Variants in KIRREL3 observed in about 807,000 individuals in gnomAD.
KIRREL3 encodes the protein kirre like nephrin family adhesion molecule 3.
In KIRREL3, 36 loss-of-function variants were observed where a neutral mutation model predicts 89.7. The observed-to-expected ratio is 0.40, with a 90% CI of 0.31 to 0.53. The LOEUF is 0.53. KIRREL3 is among the 20% of genes least tolerant of loss of function. KIRREL3 has a pLI of 0.49. For missense variants in KIRREL3, 864 were observed against 1,056.6 expected (o/e 0.82, Z 2.53); for synonymous variants, 445 against 441.4 (o/e 1.01, Z -0.10).
In KIRREL3 at chr11:126,742,987, C is replaced by A. The variant is rs1247994703; in HGVS notation, c.56-180075G>T. 6.6e-6 allele frequency among the ~76,000 whole-genome samples: 1 copy of A among 152,200 alleles called. No homozygotes were observed. The highest frequency in any genetic ancestry group is 2.4e-5 in the African/African-American group (1 of 41,442). On this transcript the variant is annotated intron_variant, in intron 1 of 16. Coordinates refer to ENST00000525144, the MANE Select transcript of KIRREL3 (RefSeq NM_032531.4). This position sits in a 1 kb window ranked among gnomAD's most constrained non-coding sequence, Gnocchi z 5.3. ...AGCTGCCCAGGGGCTGTCCCCTGCT[C>A]AGCTTATCTGAGATGAGGCCATCAG... is the stretch of plus-strand genomic sequence containing the variant.
intron 1 of KIRREL3, among the ~76,000 whole-genome samples, chr11:126,857,123 G>C (rs1944544256): frequency 6.6e-6 from 1 of 152,160 alleles, no homozygotes; most frequent in South Asian, 2.1e-4. Context: ...TAGACATATT[G>C]CCTCCTCCAT....
chr11:126,985,846 A>T lies in KIRREL3; in HGVS notation c.55+14609T>A, dbSNP rs1050514129. On this transcript the variant is annotated intron_variant, in intron 1 of 16. Coordinates refer to ENST00000525144, the MANE Select transcript of KIRREL3 (RefSeq NM_032531.4). This position sits in a 1 kb window ranked among gnomAD's most constrained non-coding sequence, Gnocchi z 5.3. ...AGTTCAATGATGAAAGGAAACTTCAAAACCTTGAGTATAAGGCATGTGCCT... is the reference window on the plus strand; with the variant it reads ...AGTTCAATGATGAAAGGAAACTTCATAACCTTGAGTATAAGGCATGTGCCT... Among the ~76,000 whole-genome samples the T allele has an allele frequency of 5.3e-5, 8 of 152,214 alleles. No individual in the cohort carries two copies. The highest frequency in any genetic ancestry group is 1.9e-4 in the African/African-American group (8 of 41,454).
intron 1 of KIRREL3, among the ~76,000 whole-genome samples, chr11:126,832,112 C>T (rs1943627752): frequency 6.6e-6 from 1 of 152,074 alleles, no homozygotes; most frequent in Admixed American, 6.5e-5. Context: ...GAAAATGAGC[C>T]ACATGTCCCA....
Position 126,571,958 on chromosome 11 carries a change from G to A in KIRREL3, c.56-9046C>T, listed in dbSNP as rs1366329483. Among the ~76,000 whole-genome samples, 1 of 152,178 alleles carries A rather than the reference G, an allele frequency of 6.6e-6. No homozygotes were observed. The highest frequency in any genetic ancestry group is 1.5e-5 in the Non-Finnish European group (1 of 68,016). On this transcript the variant is annotated intron_variant, in intron 1 of 16. Transcript: ENST00000525144. The surrounding 1 kb of genome is among the most constrained non-coding windows in gnomAD (Gnocchi z 7.7). ...AGTCTGTCTTCCACACACCCTGTGA[G>A]GAACAGGGGCTGCCAAAAGCCATAT...
At position 126,828,621 on chromosome 11, in the gene KIRREL3, C is replaced by T. The variant is rs552507832; in HGVS notation, c.55+171834G>A. On this transcript the variant is annotated intron_variant, in intron 1 of 16. Transcript: ENST00000525144. ...GGTACAGATCTGCCCTCACTGGACC[C>T]GAGAATGGTGCTTCCTTAGGTCTGC... 4.6e-5 allele frequency among the ~76,000 whole-genome samples: 7 copies of T among 152,200 alleles called. No homozygotes were observed. In the South Asian group the frequency reaches 6.2e-4, roughly 14 times the overall value.
intron 1 of KIRREL3, among the ~76,000 whole-genome samples, chr11:126,934,152 C>T (rs762832933): frequency 7.9e-5 from 12 of 151,934 alleles, no homozygotes; most frequent in Non-Finnish European, 1.8e-4. Flanking sequence ...AATTGAGAGC[C>T]CAGAATTAAG....
intron 1 of KIRREL3, among the ~76,000 whole-genome samples, chr11:126,998,165 T>G (rs1319227851): frequency 3.3e-5 from 5 of 152,180 alleles, no homozygotes; most frequent in African/African-American, 1.2e-4. Context: ...GAGCTAAGCA[T>G]ATATGTGAGG....
At chr11:126,616,836 C>T (rs1943373205) in intron 1 of KIRREL3, among the ~76,000 whole-genome samples, 1 of 152,144 alleles carries the variant, frequency 6.6e-6, no homozygotes, top group Non-Finnish European at 1.5e-5. Context: ...GAGGCAGGGT[C>T]TCACTATTTT....
rs1405048924 is a variant in KIRREL3, at chr11:126,811,215, T to A, written c.55+189240A>T. On this transcript the variant is annotated intron_variant, in intron 1 of 16. Coordinates refer to ENST00000525144, the MANE Select transcript of KIRREL3 (RefSeq NM_032531.4). The surrounding 1 kb of genome is among the most constrained non-coding windows in gnomAD (Gnocchi z 4.3). ...CAGTTCACAATTCTGTCTTTCCTCC[T>A]GCTGAGAATTCTTCTGTTTTCCAGG... Among the ~76,000 whole-genome samples, 1 of 152,242 alleles carries A rather than the reference T, an allele frequency of 6.6e-6. No individual in the cohort carries two copies. Among genetic ancestry groups the A allele is most frequent in the African/African-American group, 2.4e-5 (1 of 41,460 alleles).
rs754558499 is a variant in KIRREL3, at chr11:126,640,210, C to A, written c.56-77298G>T. 2.0e-5 allele frequency among the ~76,000 whole-genome samples: 3 copies of A among 152,108 alleles called. No individual in the cohort carries two copies. Among genetic ancestry groups the A allele is most frequent in the Non-Finnish European group, 4.4e-5 (3 of 68,014 alleles). On this transcript the variant is annotated intron_variant, in intron 1 of 16. Coordinates refer to ENST00000525144, the MANE Select transcript of KIRREL3 (RefSeq NM_032531.4). This position sits in a 1 kb window ranked among gnomAD's most constrained non-coding sequence, Gnocchi z 4.9. Reference sequence around the variant, plus strand: ...TCAGCTGGTGAGTGGTCCCCGAGAGCTTCTGTCATTTGTAGAGTGGAAACT... The same window carrying A: ...TCAGCTGGTGAGTGGTCCCCGAGAGATTCTGTCATTTGTAGAGTGGAAACT...
At chr11:126,494,421 A>G (rs568094860) in intron 4 of KIRREL3, among the ~76,000 whole-genome samples, 1 of 152,336 alleles carries the variant, frequency 6.6e-6, no homozygotes, top group East Asian at 1.9e-4. Context: ...AAAAATATAA[A>G]TGAGGTGCAC....
rs956398157 is a variant in KIRREL3, at chr11:126,535,937, A to G, written c.134-9250T>C. 1.3e-5 allele frequency among the ~76,000 whole-genome samples: 2 copies of G among 152,076 alleles called. No individual in the cohort carries two copies. The highest frequency in any genetic ancestry group is 6.5e-5 in the Admixed American group (1 of 15,282). On this transcript the variant is annotated intron_variant, in intron 2 of 16. Transcript: ENST00000525144. The surrounding 1 kb of genome is among the most constrained non-coding windows in gnomAD (Gnocchi z 4.5). ...GAGGCGGAGGTTGCAGTGAGCCAAGATCGCACCATTGCACTCCAGCCTAGG... is the reference window on the plus strand; with the variant it reads ...GAGGCGGAGGTTGCAGTGAGCCAAGGTCGCACCATTGCACTCCAGCCTAGG...
chr11:126,457,355 GTC>G lies in KIRREL3; in HGVS notation c.743-903_743-902del, dbSNP rs533344841. 5.4e-3 allele frequency among the ~76,000 whole-genome samples: 517 copies of G among 95,546 alleles called. 4 individuals carry two copies. The highest frequency in any genetic ancestry group is 0.019 in the African/African-American group (483 of 25,154). The allele number at this position is 95,546 out of a possible 152,430, so 62.7% of individuals were successfully genotyped here. On this transcript the variant is annotated intron_variant, in intron 6 of 16. Coordinates refer to ENST00000525144, the MANE Select transcript of KIRREL3 (RefSeq NM_032531.4). ...TGTGTATATGTGTGTGTGTATGTAT[GTC>G]TCTGTGTGTATGCGTGTATGTGTGT...
chr11:126,993,061 G>A lies in KIRREL3; in HGVS notation c.55+7394C>T, dbSNP rs522715. ...ACTTCATCCATCAGCTAGAAAGAAC[G>A]ATTAAAAAGTATATTTCCATTCAAT... On this transcript the variant is annotated intron_variant, in intron 1 of 16. Transcript: ENST00000525144. This position sits in a 1 kb window ranked among gnomAD's most constrained non-coding sequence, Gnocchi z 6.1. 6.6e-6 allele frequency among the ~76,000 whole-genome samples: 1 copy of A among 152,002 alleles called. No individual in the cohort carries two copies. Among genetic ancestry groups the A allele is most frequent in the East Asian group, 1.9e-4 (1 of 5,200 alleles).
rs560921675 is a variant in KIRREL3 at position 126,912,294 on chromosome 11, A to T, written c.55+88161T>A. Among the ~76,000 whole-genome samples, 1 of 152,082 alleles carries T rather than the reference A, an allele frequency of 6.6e-6. No homozygotes were observed. Among genetic ancestry groups the T allele is most frequent in the Non-Finnish European group, 1.5e-5 (1 of 68,014 alleles). On this transcript the variant is annotated intron_variant, in intron 1 of 16. Coordinates refer to ENST00000525144, the MANE Select transcript of KIRREL3 (RefSeq NM_032531.4). This position sits in a 1 kb window ranked among gnomAD's most constrained non-coding sequence, Gnocchi z 4.7. Reference sequence around the variant, plus strand: ...AAACCGGCCGAGAGTGGCTCTGAGGACCTGCAGGTGCTGCCCACATGTGCC... The same window carrying T: ...AAACCGGCCGAGAGTGGCTCTGAGGTCCTGCAGGTGCTGCCCACATGTGCC...
chr11:126,553,446 G>A lies in KIRREL3; in HGVS notation c.133+9389C>T, dbSNP rs1269677960. Among the ~76,000 whole-genome samples the A allele has an allele frequency of 6.6e-6, 1 of 152,172 alleles. No individual in the cohort carries two copies. The highest frequency in any genetic ancestry group is 2.4e-5 in the African/African-American group (1 of 41,442). On this transcript the variant is annotated intron_variant, in intron 2 of 16. Coordinates refer to ENST00000525144, the MANE Select transcript of KIRREL3 (RefSeq NM_032531.4). The surrounding 1 kb of genome is among the most constrained non-coding windows in gnomAD (Gnocchi z 4.7). ...TTCCACATAGCCACTGGCAGTCTCT[G>A]TCTCTCTTGCTGGCAGACAGAATAG...
intron 1 of KIRREL3, among the ~76,000 whole-genome samples, chr11:126,945,468 T>C (rs1793674): frequency 0.89 from 136,187 of 152,198 alleles, 61,098 homozygotes; most frequent in Middle Eastern, 0.96. Context: ...ACTGGAAGAA[T>C]GTGGCCTGGG....
Position 126,736,831 on chromosome 11 carries a change from T to G in KIRREL3, c.56-173919A>C, listed in dbSNP as rs1425346145. ...AAAGGCTGCTGGGAATCACCATACA[T>G]CCCCCACAGTCCTCCCCCACCCTGT... On this transcript the variant is annotated intron_variant, in intron 1 of 16. Coordinates refer to ENST00000525144, the MANE Select transcript of KIRREL3 (RefSeq NM_032531.4). This position sits in a 1 kb window ranked among gnomAD's most constrained non-coding sequence, Gnocchi z 5.0. 6.6e-6 allele frequency among the ~76,000 whole-genome samples: 1 copy of G among 151,792 alleles called. No homozygotes were observed. Among genetic ancestry groups the G allele is most frequent in the South Asian group, 2.1e-4 (1 of 4,804 alleles).
At position 126,571,841 on chromosome 11, in the gene KIRREL3, C is replaced by A. The variant is rs1158611133; in HGVS notation, c.56-8929G>T. ...TATCCCATGTGCAAGGATGCCTCAG[C>A]CCGTCTCTGATTTAACGTATCTAAT... On this transcript the variant is annotated intron_variant, in intron 1 of 16. Transcript: ENST00000525144. The surrounding 1 kb of genome is among the most constrained non-coding windows in gnomAD (Gnocchi z 7.7). Among the ~76,000 whole-genome samples, 1 of 152,198 alleles carries A rather than the reference C, an allele frequency of 6.6e-6. No homozygotes were observed. The highest frequency in any genetic ancestry group is 2.4e-5 in the African/African-American group (1 of 41,454).
Sources: gnomAD v4.1 joint callset for allele counts (sites outside exome capture counted in the v4.1 genomes callset) on GRCh38, gnomAD v4.1.1 for gene constraint, Gnocchi (gnomAD v3.1) non-coding constraint, MANE v1.5 for transcripts, NCBI Gene and HGNC (gene_info 2026-07-23, HGNC 2026-07-21) for gene names.